TBX4: variants seen among roughly 807,000 people sequenced by gnomAD.
TBX4 encodes the protein T-box transcription factor TBX4.
TBX4 carries 13 observed loss-of-function variants against 54.6 expected under a neutral mutation model. The observed-to-expected ratio is 0.24, with a 90% CI of 0.15 to 0.38. The LOEUF (loss-of-function observed/expected upper bound fraction) is 0.38, where lower values mean the gene tolerates loss of function less well. Among genes scored for constraint, TBX4 ranks in the 10% least tolerant of loss-of-function variants. TBX4 has a pLI of 1.00. For missense variants in TBX4, 631 were observed against 728.5 expected (o/e 0.87, Z 1.54); for synonymous variants, 314 against 306.7 (o/e 1.02, Z -0.25).
chr17:61,469,077 G>T (rs2143829550), intron 5 of TBX4, among the ~76,000 whole-genome samples: 1 of 152,336 alleles, frequency 6.6e-6, no homozygotes, highest in East Asian at 1.9e-4. Flanking sequence ...GTGGCCATTT[G>T]TCCCTAGAGA....
chr17:61,461,509 C>T lies in TBX4; in HGVS notation c.281+3878C>T, dbSNP rs935229914. 1.3e-5 allele frequency among the ~76,000 whole-genome samples: 2 copies of T among 152,128 alleles called. No individual in the cohort carries two copies. Among genetic ancestry groups the T allele is most frequent in the Non-Finnish European group, 2.9e-5 (2 of 68,022 alleles). ...ACAAAGGGTTTTAAGGGGACCCCTG[C>T]CATTTCACTGCTGTAGGGTTCTTTT... On this transcript the variant is annotated intron_variant, in intron 3 of 8. Transcript: ENST00000644296. The surrounding 1 kb of genome is among the most constrained non-coding windows in gnomAD (Gnocchi z 5.1).
intron 5 of TBX4, among the ~76,000 whole-genome samples, chr17:61,469,536 G>A (rs1168948317): frequency 3.3e-5 from 5 of 152,214 alleles, no homozygotes; most frequent in African/African-American, 1.2e-4. Flanking sequence ...CACTTACCCA[G>A]TACTTGCAGT....
At chr17:61,468,217 G>T (rs2060549840) in intron 5 of TBX4, among the ~76,000 whole-genome samples, 1 of 152,246 alleles carries the variant, frequency 6.6e-6, no homozygotes, top group South Asian at 2.1e-4. Context: ...GTTAGCTCCT[G>T]CTGGATTTGG....
chr17:61,483,565 C>A lies in TBX4; in HGVS notation c.*49C>A. 1 of 1,610,742 alleles carries A rather than the reference C, an allele frequency of 6.2e-7. No homozygotes were observed. The highest frequency in any genetic ancestry group is 8.5e-7 in the Non-Finnish European group (1 of 1,178,910). ...CGGGACCGTGTTGCTCCAGTATTAACCTCTGTGGGTGGCCTGCACTCTACC... is the reference window on the plus strand; with the variant it reads ...CGGGACCGTGTTGCTCCAGTATTAAACTCTGTGGGTGGCCTGCACTCTACC... On this transcript the variant is annotated 3_prime_UTR_variant, in exon 9 of 9. Transcript: ENST00000644296. The surrounding 1 kb of genome is among the most constrained non-coding windows in gnomAD (Gnocchi z 6.6).
In TBX4 at chr17:61,472,937, T is replaced by C. The variant is rs1026916999; in HGVS notation, c.549+5280T>C. Among the ~76,000 whole-genome samples, 1 of 152,192 alleles carries C rather than the reference T, an allele frequency of 6.6e-6. No individual in the cohort carries two copies. The highest frequency in any genetic ancestry group is 2.4e-5 in the African/African-American group (1 of 41,444). On this transcript the variant is annotated intron_variant, in intron 5 of 8. Transcript: ENST00000644296. The surrounding 1 kb of genome is among the most constrained non-coding windows in gnomAD (Gnocchi z 4.5). ...TGTTCACACGCCAGTCTTTTAACTG[T>C]TGAGACTGGATAATAGGTTTTAGTG...
chr17:61,456,332 C>A (rs1465197334), intron 1 of TBX4, 156 bp from the exon 2 acceptor site: 7 of 960,992 alleles, frequency 7.3e-6, no homozygotes, highest in Middle Eastern at 2.9e-4. Context: ...GCCTTCCTTG[C>A]GGGTTCCCTC....
chr17:61,476,730 T>A lies in TBX4; in HGVS notation c.550-1897T>A, dbSNP rs556985572. On this transcript the variant is annotated intron_variant, in intron 5 of 8. Transcript: ENST00000644296. This position sits in a 1 kb window ranked among gnomAD's most constrained non-coding sequence, Gnocchi z 6.5. ...GAGTTATGTACTTGCCTCGTGAAGGTCTGGAGGTTTGTCACTGAGGGCTGA... is the reference window on the plus strand; with the variant it reads ...GAGTTATGTACTTGCCTCGTGAAGGACTGGAGGTTTGTCACTGAGGGCTGA... 6.6e-6 allele frequency among the ~76,000 whole-genome samples: 1 copy of A among 152,116 alleles called. No individual in the cohort carries two copies. The highest frequency in any genetic ancestry group is 2.1e-4 in the South Asian group (1 of 4,822).
In TBX4 at chr17:61,480,265, A is replaced by G. The variant is rs1221318581; in HGVS notation, c.967A>G (p.Thr323Ala). The change falls in exon 8 of 9, where the codon ACC (threonine) becomes GCC (alanine). Residue 323 changes from threonine (T) to alanine (A), a missense_variant. Thr to Ala is a moderately conservative substitution (Grantham distance 58, BLOSUM62 0). Transcript: ENST00000644296. This position sits in a 1 kb window ranked among gnomAD's most constrained non-coding sequence, Gnocchi z 6.2. ...GGAGCCGCAGGACCTGCCCCTCAGC[A>G]CCTTTCCCACCCAGAGGGACTCAAG... is the stretch of plus-strand genomic sequence containing the variant. ...LAEPQDLPLS[T>A]FPTQRDSSLF... The G allele has an allele frequency of 1.9e-6, 3 of 1,613,804 alleles. No homozygotes were observed.
chr17:61,471,589 C>T (rs1457463698), intron 5 of TBX4, among the ~76,000 whole-genome samples: 3 of 146,264 alleles, frequency 2.1e-5, no homozygotes, highest in African/African-American at 5.1e-5. Context: ...AATCTGGAAT[C>T]CCCTCTTTTA....
chr17:61,472,527 G>T lies in TBX4; in HGVS notation c.549+4870G>T, dbSNP rs1463447891. On this transcript the variant is annotated intron_variant, in intron 5 of 8. Transcript: ENST00000644296. The surrounding 1 kb of genome is among the most constrained non-coding windows in gnomAD (Gnocchi z 4.5). ...AACTCTTATAAATTAGGAGGATGTA[G>T]CTCTTATCTGTGATGAGTTACACAT... Among the ~76,000 whole-genome samples, 1 of 152,150 alleles carries T rather than the reference G, an allele frequency of 6.6e-6. No individual in the cohort carries two copies. Among genetic ancestry groups the T allele is most frequent in the Non-Finnish European group, 1.5e-5 (1 of 68,030 alleles).
At chr17:61,477,406 A>T (rs2060628674) in intron 5 of TBX4, among the ~76,000 whole-genome samples, 1 of 152,208 alleles carries the variant, frequency 6.6e-6, no homozygotes, top group South Asian at 2.1e-4. Context: ...CGCTTTGCTA[A>T]GCTTTGTCCA....
rs141361780 is a variant in TBX4 at position 61,457,161 on chromosome 17, C to T, written c.187-376C>T. On this transcript the variant is annotated intron_variant, in intron 2 of 8. Transcript: ENST00000644296. This position sits in a 1 kb window ranked among gnomAD's most constrained non-coding sequence, Gnocchi z 8.2. Reference sequence around the variant, plus strand: ...GATGCCGCCTGGGGATCTGTGTGCACTATCTGCAGGCGCGCGCCTGGCCGA... The same window carrying T: ...GATGCCGCCTGGGGATCTGTGTGCATTATCTGCAGGCGCGCGCCTGGCCGA... Among the ~76,000 whole-genome samples the T allele has an allele frequency of 6.6e-6, 1 of 152,130 alleles. No individual in the cohort carries two copies. The highest frequency in any genetic ancestry group is 1.5e-5 in the Non-Finnish European group (1 of 68,014).
rs538985794 is a variant in TBX4 at position 61,457,422 on chromosome 17, G to A, written c.187-115G>A. 5.3e-5 allele frequency: 46 copies of A among 875,510 alleles called. No homozygotes were observed. The East Asian group carries it at 1.1e-3, about 21-fold the overall frequency. The allele number at this position is 875,510 out of a possible 1,614,324, so 54.2% of individuals were successfully genotyped here. On this transcript the variant is annotated intron_variant, in intron 2 of 8. Transcript: ENST00000644296. This position sits in a 1 kb window ranked among gnomAD's most constrained non-coding sequence, Gnocchi z 8.2. ...TCTGTGAAACGAAATCTGGAGCCAT[G>A]GGCTCCGGGCGGGCAGGGTTCCGCA...
At chr17:61,471,762 G>C (rs1247199713) in intron 5 of TBX4, among the ~76,000 whole-genome samples, 1 of 152,004 alleles carries the variant, frequency 6.6e-6, no homozygotes. Flanking sequence ...TTTCGCTCTT[G>C]TTGCCCAGGC....
In TBX4 at chr17:61,481,784, T is replaced by G. The variant is rs571565432; in HGVS notation, c.1022-1113T>G. 1.3e-5 allele frequency: 2 copies of G among 152,428 alleles called. No individual in the cohort carries two copies. Among genetic ancestry groups the G allele is most frequent in the East Asian group, 3.9e-4 (2 of 5,188 alleles). 9.4% of individuals were successfully genotyped at this position (152,428 alleles called of 1,614,324 possible). A position where few individuals can be genotyped will look rare whatever the true frequency, so the allele number is the denominator to read the frequency against. The stretch of plus-strand genomic sequence containing the variant: ...TTTGTTGTTGTTGTTGTCCTTGTTT[T>G]GAGACGGAGTCTCTCTCTGTCTCCC... On this transcript the variant is annotated intron_variant, in intron 8 of 8. Coordinates refer to ENST00000644296, the MANE Select transcript of TBX4 (RefSeq NM_001321120.2). This position sits in a 1 kb window ranked among gnomAD's most constrained non-coding sequence, Gnocchi z 4.8.
At position 61,457,825 on chromosome 17, in the gene TBX4, C is replaced by T. The variant is rs565218063; in HGVS notation, c.281+194C>T. ...CCCGCAGGGGGCCACCGCAGCCGCGCGGGCCTTGCGGGAAAGACCGAGGGG... is the reference window on the plus strand; with the variant it reads ...CCCGCAGGGGGCCACCGCAGCCGCGTGGGCCTTGCGGGAAAGACCGAGGGG... On this transcript the variant is annotated intron_variant, in intron 3 of 8. Coordinates refer to ENST00000644296, the MANE Select transcript of TBX4 (RefSeq NM_001321120.2). The surrounding 1 kb of genome is among the most constrained non-coding windows in gnomAD (Gnocchi z 8.2). Among the ~76,000 whole-genome samples, 8 of 152,304 alleles carry T rather than the reference C, an allele frequency of 5.3e-5. No individual in the cohort carries two copies. The East Asian group carries it at 1.4e-3, about 26-fold the overall frequency.
At position 61,457,735 on chromosome 17, in the gene TBX4, G is replaced by A. The variant is rs905577721; in HGVS notation, c.281+104G>A. On this transcript the variant is annotated intron_variant, in intron 3 of 8. Transcript: ENST00000644296. This position sits in a 1 kb window ranked among gnomAD's most constrained non-coding sequence, Gnocchi z 8.2. ...GGCCCCGGCCTGGTGGCCTGTGGGA[G>A]GCCTCTCTGCCTCCTCGGGCGTCAG... 6.2e-6 allele frequency: 7 copies of A among 1,122,916 alleles called. No homozygotes were observed. The East Asian group carries it at 1.5e-4, about 25-fold the overall frequency. 69.6% of individuals were successfully genotyped at this position (1,122,916 alleles called of 1,614,324 possible).
At chr17:61,453,748 T>A (rs887341905) in intron 1 of TBX4, among the ~76,000 whole-genome samples, 13 of 151,900 alleles carry the variant, frequency 8.6e-5, no homozygotes, top group African/African-American at 3.1e-4. Flanking sequence ...ACTGTCGGGG[T>A]GTGTTGAAGA....
Position 61,456,658 on chromosome 17 carries a change from C to T in TBX4, c.168C>T (p.Ala56=). The T allele has an allele frequency of 7.4e-7, 1 of 1,352,034 alleles. No homozygotes were observed. Among genetic ancestry groups the T allele is most frequent in the South Asian group, 1.9e-5 (1 of 51,832 alleles). 83.8% of individuals were successfully genotyped at this position (1,352,034 alleles called of 1,614,324 possible). ...CGGGACCCGGGGCCGACGTCGTCGC[C>T]GCCGCCGCCGCGGAGCAGGTAGGGC... ...SPPGPGADVV[A]AAAAEQTIEN... is the part of the protein sequence containing the mutation. The change falls in exon 2 of 9, where the codon GCC becomes GCT. Residue 56 remains alanine (A), a synonymous_variant. Transcript: ENST00000644296.
Sources: allele counts gnomAD v4.1 joint callset (sites outside exome capture counted in the v4.1 genomes callset), GRCh38; gene constraint gnomAD v4.1.1; non-coding constraint Gnocchi (gnomAD v3.1); transcripts MANE v1.5; gene names NCBI Gene and HGNC (gene_info 2026-07-23, HGNC 2026-07-21).